The following KCNN2 variants were observed in gnomAD, a reference collection of about 807,000 sequenced individuals.
KCNN2 encodes potassium calcium-activated channel subfamily N member 2, also known as small conductance calcium-activated potassium channel protein 2.
Under a neutral mutation model 55.5 loss-of-function variants are expected in KCNN2, and 24 were observed. That is an observed-to-expected ratio of 0.43 (90% CI 0.31 to 0.61). KCNN2 has a LOEUF of 0.61. Ranked by LOEUF, KCNN2 falls within the 20% of genes least tolerant of loss-of-function variation. KCNN2 has a pLI of 0.08. For synonymous variants in KCNN2, 431 were observed against 336.1 expected (o/e 1.28, Z -3.09); for missense variants, 754 against 853.6 (o/e 0.88, Z 1.45).
At chr5:114,437,883 T>A (rs1442880015) in intron 3 of KCNN2, among the ~76,000 whole-genome samples, 1 of 152,124 alleles carries the variant, frequency 6.6e-6, no homozygotes, top group East Asian at 1.9e-4. Context: ...TTTCTAAACT[T>A]TCTTTCTTAG....
chr5:114,440,834 CAG>C (rs57266185), intron 3 of KCNN2, among the ~76,000 whole-genome samples: 88,426 of 151,708 alleles, frequency 0.58, 28,094 homozygotes, highest in East Asian at 0.83. Context: ...ATATAACAAA[CAG>C]GGAATTATTA....
intron 1 of KCNN2, among the ~76,000 whole-genome samples, chr5:114,166,797 T>G (rs920527520): frequency 6.6e-6 from 1 of 152,088 alleles, no homozygotes; most frequent in African/African-American, 2.4e-5. Flanking sequence ...TAGGGCCTTT[T>G]GGAGGTGATT....
chr5:114,180,110 G>T (rs10059497), intron 1 of KCNN2, among the ~76,000 whole-genome samples: 31,110 of 152,132 alleles, frequency 0.2, 3,601 homozygotes, highest in South Asian at 0.31. Flanking sequence ...AGACAAAACG[G>T]ATTATAAGTT....
At chr5:114,368,870 A>T (rs1580756422) in intron 2 of KCNN2, among the ~76,000 whole-genome samples, 1 of 150,526 alleles carries the variant, frequency 6.6e-6, no homozygotes, top group African/African-American at 2.4e-5. Flanking sequence ...GACCTATTTC[A>T]TTTTTTTTTA....
intron 1 of KCNN2, among the ~76,000 whole-genome samples, chr5:114,198,822 T>G (rs1257407770): frequency 6.6e-6 from 1 of 152,150 alleles, no homozygotes. Flanking sequence ...TATTAAAATG[T>G]GTTAAGACTT....
At chr5:114,483,695 A>G (rs1409648641) in intron 5 of KCNN2, among the ~76,000 whole-genome samples, 2 of 146,916 alleles carry the variant, frequency 1.4e-5, no homozygotes, top group African/African-American at 5.0e-5. Flanking sequence ...AGGCAGAGCA[A>G]ATGTTCTTAT....
chr5:114,138,815 A>G (rs1752219757), intron 1 of KCNN2, among the ~76,000 whole-genome samples: 1 of 152,168 alleles, frequency 6.6e-6, no homozygotes, highest in Non-Finnish European at 1.5e-5. Flanking sequence ...GAGGCTAAAG[A>G]CAAGGCAGAA....
chr5:114,190,873 G>C (rs551128934), intron 1 of KCNN2, among the ~76,000 whole-genome samples: 1 of 152,064 alleles, frequency 6.6e-6, no homozygotes, highest in Non-Finnish European at 1.5e-5. Context: ...TATTGATTGG[G>C]GAACGGTTAT....
chr5:114,463,006 G>A (rs780425239), intron 3 of KCNN2, 43 bp from the exon 4 acceptor site: 2 of 1,583,210 alleles, frequency 1.3e-6, no homozygotes, highest in East Asian at 4.5e-5. Context: ...CTATCATATT[G>A]GAGATTAATT....
chr5:114,495,941 G>C lies in KCNN2; in HGVS notation c.2135G>C (p.Ser712Thr). 6.2e-7 allele frequency: 1 copy of C among 1,614,022 alleles called. No individual in the cohort carries two copies. The highest frequency in any genetic ancestry group is 8.5e-7 in the Non-Finnish European group (1 of 1,179,928). Residue 712 changes from serine to threonine, a missense_variant, in exon 8 of 8, where the codon AGT becomes ACT. By Grantham distance (58) the Ser-to-Thr change is moderately conservative. This residue lies in a region of KCNN2 where 164 missense variants were observed against 156.6 expected (regional missense o/e 1.05). Transcript: ENST00000673685. ...YDMISDLNER[S>T]EDFEKRIVTL... ...ATGATTTCTGACTTAAACGAAAGGAGTGAAGACTTCGAGAAGAGGATTGTT... is the reference window on the plus strand; with the variant it reads ...ATGATTTCTGACTTAAACGAAAGGACTGAAGACTTCGAGAAGAGGATTGTT...
chr5:114,411,188 T>C (rs1759119944), intron 3 of KCNN2, among the ~76,000 whole-genome samples: 1 of 152,200 alleles, frequency 6.6e-6, no homozygotes, highest in African/African-American at 2.4e-5. Flanking sequence ...ATAATCCAGG[T>C]AGATTTCACT....
chr5:114,173,603 TTGA>T lies in KCNN2; in HGVS notation c.-270-47875_-270-47873del, dbSNP rs370415427. On this transcript the variant is annotated intron_variant, in intron 1 of 10. Coordinates refer to the KCNN2 transcript ENST00000512097. ...GGGTAGTAGGAGCATTTTAACAATA[TTGA>T]TTCTTCCAATTCATGAACATAGAAT... Among the ~76,000 whole-genome samples, 625 of 152,076 alleles carry T rather than the reference TTGA, an allele frequency of 4.1e-3. 3 individuals carry two copies. Among genetic ancestry groups the T allele is most frequent in the African/African-American group, 0.014 (588 of 41,534 alleles).
At chr5:114,280,276 T>C (rs968042554) in intron 2 of KCNN2, among the ~76,000 whole-genome samples, 1 of 152,228 alleles carries the variant, frequency 6.6e-6, no homozygotes, top group African/African-American at 2.4e-5. Flanking sequence ...TAGTAGTTCC[T>C]TTTGCTGTGC....
intron 3 of KCNN2, among the ~76,000 whole-genome samples, chr5:114,416,627 A>G (rs762052375): frequency 1.3e-5 from 2 of 152,224 alleles, no homozygotes; most frequent in African/African-American, 2.4e-5. Flanking sequence ...TTGAGTGACT[A>G]CTGTCTAATA....
intron 2 of KCNN2, among the ~76,000 whole-genome samples, chr5:114,356,576 C>T (rs564596792): frequency 2.0e-5 from 3 of 151,880 alleles, no homozygotes; most frequent in Non-Finnish European, 4.4e-5. Context: ...AGCTGAGAAA[C>T]GGTAGGAGAC....
At chr5:114,434,636 A>G (rs1488038027) in intron 3 of KCNN2, among the ~76,000 whole-genome samples, 2 of 152,212 alleles carry the variant, frequency 1.3e-5, no homozygotes, top group Non-Finnish European at 2.9e-5. Context: ...AGTAGTGGTT[A>G]GCTGTGAGAA....
chr5:114,146,170 G>T (rs1201912955), intron 1 of KCNN2, among the ~76,000 whole-genome samples: 5 of 152,026 alleles, frequency 3.3e-5, no homozygotes, highest in African/African-American at 1.2e-4. Context: ...TTGTCAGATG[G>T]TTACCAGAAA....
chr5:114,389,593 T>C (rs1234552221), intron 2 of KCNN2, among the ~76,000 whole-genome samples: 1 of 152,166 alleles, frequency 6.6e-6, no homozygotes, highest in Admixed American at 6.5e-5. Flanking sequence ...TAGTTAAGCA[T>C]ACTTTAAAAC....
chr5:114,167,596 C>A (rs1752941393), intron 1 of KCNN2, among the ~76,000 whole-genome samples: 1 of 152,080 alleles, frequency 6.6e-6, no homozygotes, highest in South Asian at 2.1e-4. Flanking sequence ...TACCATCTTG[C>A]CAATAAACTA....
Sources: allele counts gnomAD v4.1 joint callset (sites outside exome capture counted in the v4.1 genomes callset), GRCh38; gene constraint gnomAD v4.1.1; regional missense constraint gnomAD v4.1.1; transcripts MANE v1.5; gene names NCBI Gene and HGNC (gene_info 2026-07-23, HGNC 2026-07-21).